The following PIBF1 variants were observed in gnomAD, a reference collection of about 807,000 sequenced individuals.
The protein encoded by PIBF1 is progesterone immunomodulatory binding factor 1.
Under a neutral mutation model 112.5 loss-of-function variants are expected in PIBF1, and 90 were observed. The observed-to-expected ratio is 0.80, with a 90% CI of 0.67 to 0.95. The LOEUF (loss-of-function observed/expected upper bound fraction) is 0.95, where lower values mean the gene tolerates loss of function less well. Ranked by LOEUF, PIBF1 falls within the 40% of genes least tolerant of loss-of-function variation. The pLI is 0.00. For synonymous variants in PIBF1, 301 were observed against 288.6 expected (o/e 1.04, Z -0.44); for missense variants, 915 against 852.3 (o/e 1.07, Z -0.92).
chr13:72,897,548 A>G (rs1430873626), intron 11 of PIBF1, among the ~76,000 whole-genome samples: 1 of 152,234 alleles, frequency 6.6e-6, no homozygotes, highest in Non-Finnish European at 1.5e-5. Context: ...GAACTTGCAA[A>G]CTAACCATCT....
At chr13:72,937,201 G>A (rs1233161515) in intron 14 of PIBF1, among the ~76,000 whole-genome samples, 1 of 151,734 alleles carries the variant, frequency 6.6e-6, no homozygotes, top group Non-Finnish European at 1.5e-5. Flanking sequence ...TCTTGCTAAT[G>A]TTTTCTGTTT....
rs869055620 is a variant in PIBF1 at position 73,013,300 on chromosome 13, C to CAAA, written c.2224-2545_2224-2543dup. Among the ~76,000 whole-genome samples, 107 of 14,638 alleles carry CAAA rather than the reference C, an allele frequency of 7.3e-3. 10 individuals are homozygous for CAAA. Among genetic ancestry groups the CAAA allele is most frequent in the African/African-American group, 0.02 (97 of 4,916 alleles). 9.6% of individuals were successfully genotyped at this position (14,638 alleles called of 152,430 possible). A position where few individuals can be genotyped will look rare whatever the true frequency, so the allele number is the denominator to read the frequency against. On this transcript the variant is annotated intron_variant, in intron 17 of 17. Coordinates refer to ENST00000326291, the MANE Select transcript of PIBF1 (RefSeq NM_006346.4). ...TGGGCGACAGAGCGAGACTCTGTCTCAAAAAAAAAAAAAAAAAAAAAAAAA... is the reference window on the plus strand; with the variant it reads ...TGGGCGACAGAGCGAGACTCTGTCTCAAAAAAAAAAAAAAAAAAAAAAAAAAAA...
chr13:72,936,757 G>C (rs2041881556), intron 14 of PIBF1, among the ~76,000 whole-genome samples: 2 of 151,766 alleles, frequency 1.3e-5, no homozygotes. Flanking sequence ...TGTTTAGCTG[G>C]GTGTTTTTTT....
intron 5 of PIBF1, 26 bp downstream of exon 5, chr13:72,798,052 G>C (rs2035282344): frequency 3.2e-6 from 5 of 1,568,956 alleles, no homozygotes; most frequent in Non-Finnish European, 4.3e-6. Flanking sequence ...ATTGCTGGTG[G>C]GAAGAAGCTT....
intron 13 of PIBF1, among the ~76,000 whole-genome samples, chr13:72,923,539 A>G (rs2041371277): frequency 6.6e-6 from 1 of 152,270 alleles, no homozygotes; most frequent in Non-Finnish European, 1.5e-5. Context: ...GAAGTATTGT[A>G]TCTATTTAAG....
At chr13:72,971,835 A>G (rs951786722) in intron 15 of PIBF1, among the ~76,000 whole-genome samples, 4 of 152,080 alleles carry the variant, frequency 2.6e-5, no homozygotes, top group Non-Finnish European at 5.9e-5. Flanking sequence ...CCGTCTCCTC[A>G]GAGGACAAAC....
At chr13:72,906,443 T>G (rs1238109821) in intron 11 of PIBF1, among the ~76,000 whole-genome samples, 1 of 152,134 alleles carries the variant, frequency 6.6e-6, no homozygotes, top group Admixed American at 6.5e-5. Context: ...ATATTTAAAC[T>G]GAAATGTTCA....
chr13:72,953,633 G>A (rs1341583073), intron 14 of PIBF1, among the ~76,000 whole-genome samples: 6 of 152,308 alleles, frequency 3.9e-5, no homozygotes, highest in Middle Eastern at 6.8e-3. Flanking sequence ...TAGCAGTAAT[G>A]TACTGGGCAC....
rs1161228077 is a variant in PIBF1 at position 73,002,983 on chromosome 13, C to CAAAAAAAAAAAAAAAA, written c.2223+3997_2223+4012dup. Among the ~76,000 whole-genome samples the CAAAAAAAAAAAAAAAA allele has an allele frequency of 3.5e-5, 2 of 57,520 alleles. 1 individual carries two copies. The highest frequency in any genetic ancestry group is 1.5e-4 in the African/African-American group (2 of 13,350). 37.7% of individuals were successfully genotyped at this position (57,520 alleles called of 152,430 possible). On this transcript the variant is annotated intron_variant, in intron 17 of 17. Transcript: ENST00000326291. Reference sequence around the variant, plus strand: ...GGACGACACAGCAAGACTCTGGTCTCAAAAAAAAAAAAAAAAAAAAAAAAG... The same window carrying CAAAAAAAAAAAAAAAA: ...GGACGACACAGCAAGACTCTGGTCTCAAAAAAAAAAAAAAAAAAAAAAAAAAAAAAAAAAAAAAAAG...
chr13:72,894,421 A>AT (rs1411059841), intron 11 of PIBF1, among the ~76,000 whole-genome samples: 2 of 151,726 alleles, frequency 1.3e-5, no homozygotes, highest in African/African-American at 2.4e-5. Context: ...AATAGTCAAT[A>AT]TTTTTAAAAG....
chr13:73,003,779 G>A (rs914261036), intron 17 of PIBF1, among the ~76,000 whole-genome samples: 22 of 151,938 alleles, frequency 1.4e-4, no homozygotes, highest in East Asian at 3.9e-4. Context: ...GCATGAACAC[G>A]GCTCACTGCA....
At chr13:72,841,950 AAAATCAC>A (rs1434215722) in intron 9 of PIBF1, among the ~76,000 whole-genome samples, 1 of 152,200 alleles carries the variant, frequency 6.6e-6, no homozygotes, top group African/African-American at 2.4e-5. Flanking sequence ...CAGTTTAAGG[AAAATCAC>A]CATTATATAA....
chr13:72,987,746 A>G (rs2043336301), intron 16 of PIBF1, among the ~76,000 whole-genome samples: 1 of 148,798 alleles, frequency 6.7e-6, no homozygotes, highest in Non-Finnish European at 1.5e-5. Flanking sequence ...TCCTGGACTC[A>G]AGCAATCCAC....
At chr13:72,911,856 A>G (rs1373497370) in intron 12 of PIBF1, among the ~76,000 whole-genome samples, 1 of 152,064 alleles carries the variant, frequency 6.6e-6, no homozygotes, top group African/African-American at 2.4e-5. Context: ...CCTGTTGGGC[A>G]TAGTGACTCA....
At chr13:72,940,270 CTT>C (rs1191310124) in intron 14 of PIBF1, among the ~76,000 whole-genome samples, 2 of 151,890 alleles carry the variant, frequency 1.3e-5, no homozygotes, top group Non-Finnish European at 2.9e-5. Flanking sequence ...GTTCACTAAT[CTT>C]TTTTTCACCA....
chr13:72,980,849 A>G lies in PIBF1; in HGVS notation c.2049+7174A>G, dbSNP rs79047460. 8.7e-4 allele frequency among the ~76,000 whole-genome samples: 133 copies of G among 152,208 alleles called. No homozygotes were observed. The East Asian group carries it at 0.013, about 15-fold the overall frequency. On this transcript the variant is annotated intron_variant, in intron 16 of 17. Transcript: ENST00000326291. ...AGAAAAAGATGCTAAAGCAGTTTCA[A>G]TGGAGCTGGAGCTAAAAAGCAGATA... is the stretch of plus-strand genomic sequence containing the variant.
intron 17 of PIBF1, among the ~76,000 whole-genome samples, chr13:73,010,863 G>A (rs1199535763): frequency 1.0e-4 from 3 of 29,370 alleles, no homozygotes; most frequent in Admixed American, 5.0e-4. Flanking sequence ...TTCACTCTTT[G>A]TTGTCCAGGG....
At chr13:72,978,567 G>A (rs1245917229) in intron 16 of PIBF1, among the ~76,000 whole-genome samples, 2 of 152,016 alleles carry the variant, frequency 1.3e-5, no homozygotes, top group Non-Finnish European at 2.9e-5. Flanking sequence ...TGAAAACTTT[G>A]TAATTTAATG....
Position 72,908,578 on chromosome 13 carries a change from C to T in PIBF1, c.1536C>T (p.Arg512=), listed in dbSNP as rs2040782383. Residue 512 remains arginine, a synonymous_variant, in exon 12 of 18, where the codon CGC becomes CGT. Transcript: ENST00000326291. ...FYSLQASSEK[R]ITELQAQNSE... is the part of the protein sequence containing the mutation. ...GTCTCCAAGCCTCTTCTGAAAAACG[C>T]ATTACTGAACTTCAAGCACAGAACT... is the stretch of plus-strand genomic sequence containing the variant. 3.7e-6 allele frequency: 6 copies of T among 1,612,238 alleles called. No homozygotes were observed. Among genetic ancestry groups the T allele is most frequent in the Middle Eastern group, 1.6e-4 (1 of 6,074 alleles).
Sources: allele counts gnomAD v4.1 joint callset (sites outside exome capture counted in the v4.1 genomes callset), GRCh38; gene constraint gnomAD v4.1.1; transcripts MANE v1.5; gene names NCBI Gene and HGNC (gene_info 2026-07-23, HGNC 2026-07-21).